Variants in LAP3 observed in about 807,000 individuals in gnomAD.
LAP3 encodes the protein leucine aminopeptidase 3.
LAP3 carries 46 observed loss-of-function variants against 58.8 expected under a neutral mutation model. The ratio of observed to expected loss-of-function variants is 0.78; its 90% CI spans 0.62 to 1.00. LAP3 has a LOEUF of 1.00. Ranked by LOEUF, LAP3 falls within the 50% of genes least tolerant of loss-of-function variation. The pLI is 0.00. For synonymous variants in LAP3, 257 were observed against 237.7 expected, an observed-to-expected ratio of 1.08 and a Z score of -0.75; for missense variants, 615 against 659.1, an observed-to-expected ratio of 0.93 and a Z score of 0.73.
At position 17,604,009 on chromosome 4, in the gene LAP3, C is replaced by T. The variant is rs192768217; in HGVS notation, c.1181-579C>T. Among the ~76,000 whole-genome samples, 210 of 151,810 alleles carry T rather than the reference C, an allele frequency of 1.4e-3. No individual in the cohort carries two copies. The Middle Eastern group carries it at 0.027, about 20-fold the overall frequency. On this transcript the variant is annotated intron_variant, in intron 10 of 12. Coordinates refer to ENST00000226299, the MANE Select transcript of LAP3 (RefSeq NM_015907.3). ...CTAATTTTTGTATTTTTAGTAGAGA[C>T]GGGGTTTCTACATGTTGGCCAGGCT... is the stretch of plus-strand genomic sequence containing the variant.
chr4:17,582,199 G>C (rs1048044853), intron 3 of LAP3, 89 bp from the exon 4 acceptor site: 2 of 1,003,068 alleles, frequency 2.0e-6, no homozygotes, highest in African/African-American at 3.2e-5. Context: ...TTGTGTGGGA[G>C]CTCAGTGAGT....
Position 17,577,409 on chromosome 4 carries a change from C to G in LAP3, c.-57C>G. On this transcript the variant is annotated 5_prime_UTR_variant, in exon 1 of 13. Coordinates refer to ENST00000226299, the MANE Select transcript of LAP3 (RefSeq NM_015907.3). ...CGAAAGCCCCGCCCCAAGGCGCGCCCGCCCACCGCTCTCCACGTGCTCGCT... is the reference window on the plus strand; with the variant it reads ...CGAAAGCCCCGCCCCAAGGCGCGCCGGCCCACCGCTCTCCACGTGCTCGCT... 1 of 1,367,698 alleles carries G rather than the reference C, an allele frequency of 7.3e-7. No homozygotes were observed. The highest frequency in any genetic ancestry group is 9.7e-7 in the Non-Finnish European group (1 of 1,026,260). The allele number at this position is 1,367,698 out of a possible 1,614,324, so 84.7% of individuals were successfully genotyped here.
intron 3 of LAP3, 172 bp from the exon 4 acceptor site, chr4:17,582,116 C>CA: frequency 1.6e-6 from 1 of 633,406 alleles, no homozygotes; most frequent in Admixed American, 3.1e-5. Flanking sequence ...TGCCAGGACA[C>CA]AAAGGTTTTA....
intron 7 of LAP3, among the ~76,000 whole-genome samples, chr4:17,593,913 A>G (rs115189991): frequency 0.03 from 4,606 of 152,124 alleles, 98 homozygotes; most frequent in Non-Finnish European, 0.043. Flanking sequence ...ACACTCGGTG[A>G]ATCTGCTTGT....
intron 8 of LAP3, among the ~76,000 whole-genome samples, chr4:17,596,801 T>C (rs922384171): frequency 1.3e-5 from 2 of 152,276 alleles, no homozygotes; most frequent in Admixed American, 6.5e-5. Flanking sequence ...TTGTATTTAT[T>C]TGAATTGCTT....
intron 10 of LAP3, among the ~76,000 whole-genome samples, chr4:17,599,184 CTG>C (rs1451284326): frequency 1.3e-5 from 2 of 152,182 alleles, no homozygotes; most frequent in African/African-American, 4.8e-5. Flanking sequence ...CCAGCCTGGG[CTG>C]TACCTTTAAG....
At chr4:17,604,710 T>G (rs1159135585) in intron 11 of LAP3, 43 bp downstream of exon 11, 8 of 1,375,608 alleles carry the variant, frequency 5.8e-6, no homozygotes, top group Non-Finnish European at 6.2e-6. Context: ...AGATGGTGAA[T>G]AAATTATTCT....
At chr4:17,590,999 G>A (rs1193947928) in intron 7 of LAP3, among the ~76,000 whole-genome samples, 2 of 143,368 alleles carry the variant, frequency 1.4e-5, no homozygotes, top group African/African-American at 5.3e-5. Flanking sequence ...GAACTTCTGA[G>A]CTCAAGCAAT....
chr4:17,578,047 G>A (rs1179885099), intron 1 of LAP3, among the ~76,000 whole-genome samples: 2 of 152,198 alleles, frequency 1.3e-5, no homozygotes, highest in Admixed American at 1.3e-4. Flanking sequence ...CTAGAGAAAA[G>A]GGCTTTGGGG....
Position 17,577,252 on chromosome 4 carries a change from T to TGCGGGCGCACACGAATGCGGGCGCACCCG in LAP3, c.-214_-213insGCGGGCGCACACGAATGCGGGCGCACCCG. The TGCGGGCGCACACGAATGCGGGCGCACCCG allele has an allele frequency of 7.2e-6, 1 of 139,294 alleles. No homozygotes were observed. The highest frequency in any genetic ancestry group is 1.2e-5 in the Non-Finnish European group (1 of 83,848). The allele number at this position is 139,294 out of a possible 1,614,324, so 8.6% of individuals were successfully genotyped here. ...GGCGCACACGAATGCGGGCGCACCCTTGAGTCCCCTCCACAACCGCGGTTT... is the reference window on the plus strand; with the variant it reads ...GGCGCACACGAATGCGGGCGCACCCTGCGGGCGCACACGAATGCGGGCGCACCCGTGAGTCCCCTCCACAACCGCGGTTT... On this transcript the variant is annotated 5_prime_UTR_variant, in exon 1 of 13. It adds an upstream start codon to the 5' untranslated region. Coordinates refer to ENST00000226299, the MANE Select transcript of LAP3 (RefSeq NM_015907.3).
rs1443122826 is a variant in LAP3, at chr4:17,593,888, C to G, written c.864-1522C>G. ...TCAGCCTCCCTAAGTGCTGGGATTA[C>G]AGGCGTGAGCCACCACACTCGGTGA... On this transcript the variant is annotated intron_variant, in intron 7 of 12. Transcript: ENST00000226299. 2.0e-5 allele frequency among the ~76,000 whole-genome samples: 3 copies of G among 152,276 alleles called. No homozygotes were observed. The East Asian group carries it at 5.8e-4, about 29-fold the overall frequency.
chr4:17,585,163 G>A (rs1397468733), intron 6 of LAP3, 27 bp downstream of exon 6: 11 of 1,588,118 alleles, frequency 6.9e-6, no homozygotes, highest in East Asian at 2.2e-5. Flanking sequence ...TCACAGACTC[G>A]AGATGTTACA....
intron 7 of LAP3, among the ~76,000 whole-genome samples, chr4:17,594,351 T>G (rs1331315132): frequency 6.6e-6 from 1 of 152,198 alleles, no homozygotes; most frequent in Non-Finnish European, 1.5e-5. Context: ...CATCTTTAAT[T>G]CTTGGTGAAC....
At chr4:17,601,514 G>C (rs983362507) in intron 10 of LAP3, among the ~76,000 whole-genome samples, 1 of 152,132 alleles carries the variant, frequency 6.6e-6, no homozygotes, top group African/African-American at 2.4e-5. Context: ...TTGAGGACAA[G>C]TGAATAATTA....
chr4:17,607,263 GAT>G, intron 12 of LAP3, 135 bp from the exon 13 acceptor site: 1 of 652,614 alleles, frequency 1.5e-6, no homozygotes, highest in Non-Finnish European at 2.6e-6. Flanking sequence ...TTCTGAAACT[GAT>G]ATGTGGGTTA....
At chr4:17,580,856 C>T (rs532433776) in intron 2 of LAP3, among the ~76,000 whole-genome samples, 16 of 152,142 alleles carry the variant, frequency 1.1e-4, no homozygotes, top group Non-Finnish European at 2.1e-4. Flanking sequence ...CCATGTAAAC[C>T]ACTGCAACTA....
intron 1 of LAP3, among the ~76,000 whole-genome samples, chr4:17,578,160 A>G (rs918284294): frequency 6.6e-6 from 1 of 152,068 alleles, no homozygotes; most frequent in Non-Finnish European, 1.5e-5. Flanking sequence ...TGCAAAGGGA[A>G]TGGCTCTCGG....
At position 17,577,402 on chromosome 4, in the gene LAP3, G is replaced by A; in HGVS notation, c.-64G>A. 1 of 1,311,774 alleles carries A rather than the reference G, an allele frequency of 7.6e-7. No individual in the cohort carries two copies. Among genetic ancestry groups the A allele is most frequent in the Non-Finnish European group, 1.0e-6 (1 of 982,644 alleles). The allele number at this position is 1,311,774 out of a possible 1,614,324, so 81.3% of individuals were successfully genotyped here. On this transcript the variant is annotated 5_prime_UTR_variant, in exon 1 of 13. Transcript: ENST00000226299. The stretch of plus-strand genomic sequence containing the variant: ...TGCGCCCCGAAAGCCCCGCCCCAAG[G>A]CGCGCCCGCCCACCGCTCTCCACGT...
At chr4:17,580,185 T>TGTA in intron 2 of LAP3, among the ~76,000 whole-genome samples, 431 of 32,034 alleles carry the variant, frequency 0.013, 52 homozygotes, top group African/African-American at 0.074. Context: ...TATATATGTA[T>TGTA]TTTTTTTTTT....
Sources: gnomAD v4.1 joint callset for allele counts (sites outside exome capture counted in the v4.1 genomes callset) on GRCh38, gnomAD v4.1.1 for gene constraint, MANE v1.5 for transcripts, NCBI Gene and HGNC (gene_info 2026-07-23, HGNC 2026-07-21) for gene names.